Variants in SLC1A6 observed in about 807,000 individuals in gnomAD.
The protein encoded by SLC1A6 is solute carrier family 1 member 6, also known as excitatory amino acid transporter 4.
SLC1A6 carries 15 observed loss-of-function variants against 42.1 expected under a neutral mutation model. The observed-to-expected ratio is 0.36, with a 90% CI of 0.24 to 0.55. The LOEUF is 0.55. SLC1A6 is among the 20% of genes least tolerant of loss of function. The pLI, the probability that SLC1A6 is intolerant of heterozygous loss-of-function variation, is 0.88. For synonymous variants in SLC1A6, 317 were observed against 319.7 expected, an observed-to-expected ratio of 0.99 and a Z score of 0.09; for missense variants, 542 against 772.5, an observed-to-expected ratio of 0.70 and a Z score of 3.54.
intron 6 of SLC1A6, among the ~76,000 whole-genome samples, chr19:14,958,766 G>A (rs1441285192): frequency 6.6e-6 from 1 of 152,088 alleles, no homozygotes; most frequent in East Asian, 1.9e-4. Context: ...GGCACATCTG[G>A]ACATTTCACC....
chr19:15,000,003 C>T (rs548691175), intron 1 of SLC1A6, among the ~76,000 whole-genome samples: 1 of 144,638 alleles, frequency 6.9e-6, no homozygotes, highest in African/African-American at 2.5e-5. Flanking sequence ...CCCTCCCCCC[C>T]ACCCCACAAC....
At chr19:14,963,483 A>G (rs1412096678) in intron 5 of SLC1A6, among the ~76,000 whole-genome samples, 1 of 152,232 alleles carries the variant, frequency 6.6e-6, no homozygotes, top group East Asian at 1.9e-4. Context: ...TTAAGTATAT[A>G]AGGTAATTGA....
chr19:14,980,869 A>T (rs1842623670), upstream of SLC1A6, among the ~76,000 whole-genome samples: 1 of 152,166 alleles, frequency 6.6e-6, no homozygotes, highest in Non-Finnish European at 1.5e-5. Context: ...AAGGTCACAC[A>T]GCCAGGAAAC....
At chr19:14,962,476 A>T in intron 5 of SLC1A6, 131 bp from the exon 6 acceptor site, 1 of 645,634 alleles carries the variant, frequency 1.5e-6, no homozygotes, top group Non-Finnish European at 2.7e-6. Flanking sequence ...ATTATCGATT[A>T]TCACTCATTA....
intron 1 of SLC1A6, among the ~76,000 whole-genome samples, chr19:14,993,989 C>T (rs527427681): frequency 3.5e-4 from 53 of 152,260 alleles, no homozygotes; most frequent in Non-Finnish European, 7.4e-4. Flanking sequence ...TAGAAGCTAG[C>T]GGGCCTTTTG....
intron 1 of SLC1A6, among the ~76,000 whole-genome samples, chr19:14,999,590 C>A (rs1434366297): frequency 1.3e-5 from 2 of 152,212 alleles, no homozygotes; most frequent in Non-Finnish European, 2.9e-5. Flanking sequence ...ATCTGAGATA[C>A]TTCTTGGTTT....
intron 9 of SLC1A6, 76 bp from the exon 10 acceptor site, chr19:14,950,466 G>T: frequency 1.7e-6 from 2 of 1,169,604 alleles, no homozygotes; most frequent in South Asian, 1.7e-5. Context: ...AGCAGAGGGG[G>T]GTCCCTGTGC....
rs967786261 is a variant in SLC1A6, at chr19:14,998,035, A to G, written c.6+12450T>C. On this transcript the variant is annotated intron_variant, in intron 1 of 8. Transcript: ENST00000430939. ...TGTGTGTGTGTGTATGCACTATGGA[A>G]TGAATAAATCAAGCTATTAACATAT... Among the ~76,000 whole-genome samples, 8 of 151,484 alleles carry G rather than the reference A, an allele frequency of 5.3e-5. No homozygotes were observed. In the South Asian group the frequency reaches 1.3e-3, roughly 24 times the overall value.
At chr19:15,004,091 G>A (rs1272852475) in intron 1 of SLC1A6, among the ~76,000 whole-genome samples, 1 of 152,114 alleles carries the variant, frequency 6.6e-6, no homozygotes, top group East Asian at 1.9e-4. Flanking sequence ...AGGAGGAGGA[G>A]GTTGCAGTGA....
chr19:14,968,336 A>G lies in SLC1A6; in HGVS notation c.515T>C (p.Ile172Thr). 1 of 1,613,500 alleles carries G rather than the reference A, an allele frequency of 6.2e-7. No individual in the cohort carries two copies. The highest frequency in any genetic ancestry group is 8.5e-7 in the Non-Finnish European group (1 of 1,179,812). ...GLHREGRIET[I>T]PTADAFMDLI... ...GTCCATGAAGGCATCAGCTGTGGGG[A>G]TGGTCTCGATCCGGCCCTCCCGGTG... The change falls in exon 4 of 10, where the codon ATC becomes ACC. Residue 172 changes from isoleucine to threonine, a missense_variant. This residue lies in a region of SLC1A6 where 298 missense variants were observed against 419.4 expected (regional missense o/e 0.71). Transcript: ENST00000594383.
chr19:14,997,683 C>G (rs2045853789), intron 1 of SLC1A6, among the ~76,000 whole-genome samples: 1 of 152,008 alleles, frequency 6.6e-6, no homozygotes, highest in Non-Finnish European at 1.5e-5. Context: ...GGCAGGGGAC[C>G]CTCAGCTAAA....
chr19:14,950,224 C>T lies in SLC1A6; in HGVS notation c.1666G>A (p.Gly556Arg). ...LMAQEKGASRGRGGNESAM is the reference protein window; with the variant it reads ...LMAQEKGASRRRGGNESAM ...ATAGCACTCTCGTTGCCTCCCCGTC[C>T]CCGGGATGCCCCCTTCTCCTGTGCC... The change falls in exon 10 of 10, where the codon GGA becomes AGA. Residue 556 changes from glycine (G) to arginine (R), a missense_variant. Gly to Arg is a moderately radical substitution (Grantham distance 125). This residue lies in a region of SLC1A6 where 73 missense variants were observed against 85.2 expected (regional missense o/e 0.86). Transcript: ENST00000594383. The T allele has an allele frequency of 6.3e-7, 1 of 1,588,428 alleles. No homozygotes were observed. Among genetic ancestry groups the T allele is most frequent in the Non-Finnish European group, 8.6e-7 (1 of 1,162,398 alleles).
chr19:14,963,703 T>G (rs549338002), intron 5 of SLC1A6, among the ~76,000 whole-genome samples: 1 of 152,214 alleles, frequency 6.6e-6, no homozygotes, highest in African/African-American at 2.4e-5. Flanking sequence ...ACAAGCTCCC[T>G]GAGCAATGCT....
chr19:14,964,403 G>C (rs1267273991), intron 4 of SLC1A6, 42 bp from the exon 5 acceptor site: 2 of 1,537,334 alleles, frequency 1.3e-6, no homozygotes, highest in South Asian at 2.2e-5. Flanking sequence ...TTAGACCATG[G>C]AAGGGCATCT....
chr19:14,953,585 A>G (rs1029251602), intron 8 of SLC1A6, among the ~76,000 whole-genome samples: 22 of 152,144 alleles, frequency 1.4e-4, no homozygotes, highest in African/African-American at 5.3e-4. Flanking sequence ...GAAGCAGGCA[A>G]TAAACAAAAT....
At chr19:14,984,674 T>G (rs2045784527), upstream of SLC1A6, among the ~76,000 whole-genome samples, 1 of 152,218 alleles carries the variant, frequency 6.6e-6, no homozygotes, top group Non-Finnish European at 1.5e-5. Context: ...CCATGCATGA[T>G]TTTGAAACCT....
upstream of SLC1A6, among the ~76,000 whole-genome samples, chr19:14,982,258 G>A (rs953031817): frequency 2.0e-5 from 3 of 152,206 alleles, no homozygotes; most frequent in Non-Finnish European, 4.4e-5. Flanking sequence ...GGCCGGGCAT[G>A]GTGGCACACA....
chr19:14,974,667 C>T (rs2045683739), intron 1 of SLC1A6: 1 of 151,544 alleles, frequency 6.6e-6, no homozygotes, highest in African/African-American at 2.4e-5. Context: ...TATTTCAGAA[C>T]GAGATAGAGG....
At chr19:14,991,778 A>G (rs2045821332) in intron 1 of SLC1A6, among the ~76,000 whole-genome samples, 2 of 152,172 alleles carry the variant, frequency 1.3e-5, no homozygotes, top group Admixed American at 1.3e-4. Flanking sequence ...CACAATGAAC[A>G]AATAGATCAA....
Sources: allele counts gnomAD v4.1 joint callset (sites outside exome capture counted in the v4.1 genomes callset), GRCh38; gene constraint gnomAD v4.1.1; regional missense constraint gnomAD v4.1.1; transcripts MANE v1.5; gene names NCBI Gene and HGNC (gene_info 2026-07-23, HGNC 2026-07-21).